The following THSD4 variants were observed in gnomAD, a reference collection of about 807,000 sequenced individuals.
THSD4 encodes the protein thrombospondin type-1 domain-containing protein 4.
In THSD4, 69 loss-of-function variants were observed where a neutral mutation model predicts 119.0. That is an observed-to-expected ratio of 0.58 (90% CI 0.48 to 0.71). The LOEUF (loss-of-function observed/expected upper bound fraction) is 0.71. Ranked by LOEUF, THSD4 falls within the 30% of genes least tolerant of loss-of-function variation. THSD4 has a pLI of 0.00. For synonymous variants in THSD4, 524 were observed against 540.4 expected (o/e 0.97, Z 0.42); for missense variants, 1,393 against 1,391.1 (o/e 1.00, Z -0.02).
intron 7 of THSD4, among the ~76,000 whole-genome samples, chr15:71,620,122 C>T (rs2050394642): frequency 2.0e-5 from 3 of 152,166 alleles, no homozygotes; most frequent in Admixed American, 2.0e-4. Flanking sequence ...TTGAAGCAGA[C>T]AAACTGGGCT....
intron 7 of THSD4, among the ~76,000 whole-genome samples, chr15:71,588,305 C>CA (rs66537207): frequency 6.4e-5 from 7 of 108,694 alleles, no homozygotes; most frequent in East Asian, 5.6e-4. Context: ...GACTCCGTCT[C>CA]AAAAAAAAAA....
In THSD4 at chr15:71,442,579, A is replaced by AAAAAAAAAAT. The variant is rs1195413080; in HGVS notation, c.1152+30757_1152+30758insAAAAAAAATA. ...GCAAAACTCCATCTCAAAAAAAAAA[A>AAAAAAAAAAT]ATATATATATATATATATATATGTG... On this transcript the variant is annotated intron_variant, in intron 7 of 17. Transcript: ENST00000261862. 4.0e-3 allele frequency among the ~76,000 whole-genome samples: 160 copies of AAAAAAAAAAT among 39,834 alleles called. 9 individuals carry two copies. The highest frequency in any genetic ancestry group is 0.011 in the African/African-American group (156 of 13,588). The allele number at this position is 39,834 out of a possible 152,430, so 26.1% of individuals were successfully genotyped here.
intron 7 of THSD4, among the ~76,000 whole-genome samples, chr15:71,613,898 A>G (rs540709319): frequency 1.3e-5 from 2 of 152,248 alleles, no homozygotes; most frequent in African/African-American, 2.4e-5. Flanking sequence ...ATATCTGTCT[A>G]TGGTCTGAAT....
intron 7 of THSD4, among the ~76,000 whole-genome samples, chr15:71,604,806 A>G (rs773551152): frequency 6.9e-6 from 1 of 144,906 alleles, no homozygotes; most frequent in African/African-American, 2.5e-5. Flanking sequence ...TGAAGTGCCA[A>G]AAGTGAAAAC....
chr15:71,442,600 A>ATG lies in THSD4; in HGVS notation c.1152+30795_1152+30796dup, dbSNP rs1296595218. Among the ~76,000 whole-genome samples the ATG allele has an allele frequency of 1.8e-3, 80 of 44,838 alleles. 12 individuals carry two copies. Among genetic ancestry groups the ATG allele is most frequent in the African/African-American group, 4.9e-3 (71 of 14,462 alleles). 29.4% of individuals were successfully genotyped at this position (44,838 alleles called of 152,430 possible). A position where few individuals can be genotyped will look rare whatever the true frequency, so the allele number is the denominator to read the frequency against. On this transcript the variant is annotated intron_variant, in intron 7 of 17. Transcript: ENST00000261862. ...AAAAAATATATATATATATATATATATGTGTGTGTGTGTGTGTGTATATAT... is the reference window on the plus strand; with the variant it reads ...AAAAAATATATATATATATATATATATGTGTGTGTGTGTGTGTGTGTATATAT...
chr15:71,117,288 A>G lies in THSD4; in HGVS notation c.-80+1590A>G, dbSNP rs2040371464. Among the ~76,000 whole-genome samples, 5 of 152,220 alleles carry G rather than the reference A, an allele frequency of 3.3e-5. No homozygotes were observed. The South Asian group carries it at 6.2e-4, about 19-fold the overall frequency. Reference sequence around the variant, plus strand: ...CTGGCTGTTAGCGAAAGAAAAATACAGCCCAGAGTTTGGGAGGAAGATCAG... The same window carrying G: ...CTGGCTGTTAGCGAAAGAAAAATACGGCCCAGAGTTTGGGAGGAAGATCAG... On this transcript the variant is annotated intron_variant, in intron 1 of 17. Transcript: ENST00000261862.
At chr15:71,710,905 C>T (rs569834015) in intron 8 of THSD4, among the ~76,000 whole-genome samples, 1 of 152,206 alleles carries the variant, frequency 6.6e-6, no homozygotes. Context: ...TTCAACTCTT[C>T]ACCAGCTGTG....
chr15:71,772,887 G>C (rs116422631), intron 17 of THSD4, among the ~76,000 whole-genome samples: 50 of 152,216 alleles, frequency 3.3e-4, no homozygotes, highest in African/African-American at 1.2e-3. Context: ...GACTCTAACA[G>C]AGAAAACAGT....
chr15:71,694,024 AAAG>A (rs1220123252), intron 8 of THSD4, among the ~76,000 whole-genome samples: 26 of 149,076 alleles, frequency 1.7e-4, no homozygotes, highest in Non-Finnish European at 2.5e-4. Context: ...CAAAAAAAAA[AAAG>A]AAAGAAAGAA....
At chr15:71,341,651 T>C (rs1053412007) in intron 6 of THSD4, 47 of 1,527,572 alleles carry the variant, frequency 3.1e-5, no homozygotes, top group Non-Finnish European at 4.3e-5. Context: ...AACACGAAGA[T>C]TGGAACCTCT....
intron 7 of THSD4, among the ~76,000 whole-genome samples, chr15:71,467,698 T>C (rs1264284927): frequency 2.0e-5 from 3 of 152,166 alleles, no homozygotes; most frequent in Non-Finnish European, 4.4e-5. Flanking sequence ...GGTTTGGCTG[T>C]GTCCCCACCC....
At chr15:71,224,443 G>A (rs1275647646) in intron 4 of THSD4, among the ~76,000 whole-genome samples, 1 of 152,200 alleles carries the variant, frequency 6.6e-6, no homozygotes, top group Non-Finnish European at 1.5e-5. Context: ...TTTTCAAGCT[G>A]TTTGGCTATG....
At chr15:71,466,855 C>T (rs1256817716) in intron 7 of THSD4, among the ~76,000 whole-genome samples, 1 of 152,230 alleles carries the variant, frequency 6.6e-6, no homozygotes, top group African/African-American at 2.4e-5. Flanking sequence ...TTTCTAGCTA[C>T]ACTGGACTGG....
intron 7 of THSD4, among the ~76,000 whole-genome samples, chr15:71,460,305 G>GT (rs563476190): frequency 0.13 from 16,502 of 122,456 alleles, 1,244 homozygotes; most frequent in South Asian, 0.19. Context: ...AAGTTGCCTG[G>GT]TTTTTTTTTT....
At chr15:71,738,080 C>A in intron 11 of THSD4, 73 bp downstream of exon 11, 1 of 1,555,488 alleles carries the variant, frequency 6.4e-7, no homozygotes. Flanking sequence ...CCCAAGGCAG[C>A]GGTCCCCGGC....
At chr15:71,421,720 G>T (rs917478760) in intron 7 of THSD4, among the ~76,000 whole-genome samples, 4 of 152,144 alleles carry the variant, frequency 2.6e-5, no homozygotes, top group Admixed American at 1.3e-4. Flanking sequence ...TCCCAGGTTT[G>T]GGGAGTTCTC....
intron 1 of THSD4, among the ~76,000 whole-genome samples, chr15:71,119,334 G>T (rs925357359): frequency 2.6e-5 from 4 of 152,224 alleles, no homozygotes; most frequent in African/African-American, 9.6e-5. Flanking sequence ...TCGAGAACTG[G>T]CGTTTTTAAG....
intron 6 of THSD4, among the ~76,000 whole-genome samples, chr15:71,282,443 G>A (rs995766344): frequency 1.4e-5 from 2 of 148,086 alleles, no homozygotes; most frequent in Non-Finnish European, 3.0e-5. Context: ...AAGGAGATGT[G>A]TTACTTGTTT....
intron 8 of THSD4, among the ~76,000 whole-genome samples, chr15:71,714,190 G>A (rs978753965): frequency 6.6e-6 from 1 of 152,144 alleles, no homozygotes. Context: ...CTGTCCCAGA[G>A]GATTATGAGA....
Sources: gnomAD v4.1 joint callset for allele counts (sites outside exome capture counted in the v4.1 genomes callset) on GRCh38, gnomAD v4.1.1 for gene constraint, MANE v1.5 for transcripts, NCBI Gene and HGNC (gene_info 2026-07-23, HGNC 2026-07-21) for gene names.